RBFOX1: variants seen among roughly 807,000 people sequenced by gnomAD.
The protein encoded by RBFOX1 is RNA binding protein fox-1 homolog 1.
Under a neutral mutation model 57.7 loss-of-function variants are expected in RBFOX1, and 8 were observed. The observed-to-expected ratio is 0.14, with a 90% CI of 0.08 to 0.25. The LOEUF (loss-of-function observed/expected upper bound fraction) is 0.25. Among genes scored for constraint, RBFOX1 ranks in the 10% least tolerant of loss-of-function variants. The pLI, the probability that RBFOX1 is intolerant of heterozygous loss-of-function variation, is 1.00. For missense variants in RBFOX1, 611 were observed against 548.5 expected, an observed-to-expected ratio of 1.11 and a Z score of -1.14; for synonymous variants, 326 against 222.4, an observed-to-expected ratio of 1.47 and a Z score of -4.15.
At chr16:7,477,293 C>T (rs1003904673) in intron 4 of RBFOX1, among the ~76,000 whole-genome samples, 4 of 152,136 alleles carry the variant, frequency 2.6e-5, no homozygotes, top group Non-Finnish European at 5.9e-5. Flanking sequence ...TTATTTCTTC[C>T]TGAAATACAT....
chr16:6,382,872 G>A (rs2091941216), intron 2 of RBFOX1, among the ~76,000 whole-genome samples: 1 of 152,020 alleles, frequency 6.6e-6, no homozygotes, highest in Non-Finnish European at 1.5e-5. Context: ...AAAAGAAAAT[G>A]CTTTTACTCT....
chr16:7,503,102 A>C (rs2071550411), intron 4 of RBFOX1, among the ~76,000 whole-genome samples: 1 of 152,066 alleles, frequency 6.6e-6, no homozygotes, highest in South Asian at 2.1e-4. Context: ...TTTTATCTAG[A>C]ATGTTTATTT....
At chr16:5,616,089 GC>G (rs2048015011) in intron 3 of RBFOX1, 2 of 152,578 alleles carry the variant, frequency 1.3e-5, no homozygotes, top group South Asian at 4.1e-4. Context: ...GCACCTGTAA[GC>G]TAAGCCCTGA....
chr16:7,474,689 G>T (rs539136499), intron 4 of RBFOX1, among the ~76,000 whole-genome samples: 1 of 152,180 alleles, frequency 6.6e-6, no homozygotes, highest in Non-Finnish European at 1.5e-5. Context: ...GGTAAGTTAC[G>T]AATATGCTTT....
chr16:5,960,353 A>G (rs1262779754), intron 4 of RBFOX1, among the ~76,000 whole-genome samples: 2 of 152,216 alleles, frequency 1.3e-5, no homozygotes, highest in African/African-American at 4.8e-5. Context: ...AGTCACACGG[A>G]TACGGAGTGG....
At chr16:6,357,878 G>C (rs2087662083) in intron 2 of RBFOX1, among the ~76,000 whole-genome samples, 1 of 151,446 alleles carries the variant, frequency 6.6e-6, no homozygotes, top group African/African-American at 2.4e-5. Flanking sequence ...TTGAACCCTG[G>C]AGGTGGAGGT....
chr16:7,563,098 C>T (rs2090808496), intron 5 of RBFOX1, among the ~76,000 whole-genome samples: 1 of 152,116 alleles, frequency 6.6e-6, no homozygotes, highest in African/African-American at 2.4e-5. Context: ...ATTTCTTTGC[C>T]GTAAGATGGG....
intron 1 of RBFOX1, among the ~76,000 whole-genome samples, chr16:5,324,973 C>A (rs759636467): frequency 4.6e-5 from 7 of 152,190 alleles, no homozygotes; most frequent in African/African-American, 1.7e-4. Flanking sequence ...GGCAGGTGTT[C>A]CCAGATCTAT....
At chr16:6,774,461 A>G (rs2078990137) in intron 3 of RBFOX1, among the ~76,000 whole-genome samples, 1 of 151,668 alleles carries the variant, frequency 6.6e-6, no homozygotes. Context: ...AATATCAACA[A>G]CCCAATTACC....
At chr16:6,947,714 A>T (rs1486338859) in intron 3 of RBFOX1, among the ~76,000 whole-genome samples, 1 of 152,178 alleles carries the variant, frequency 6.6e-6, no homozygotes, top group Non-Finnish European at 1.5e-5. Flanking sequence ...GCTGAAATCT[A>T]TTTATAAACG....
chr16:6,478,414 TATATATATA>T (rs1567368581), intron 2 of RBFOX1, among the ~76,000 whole-genome samples: 32 of 31,430 alleles, frequency 1.0e-3, no homozygotes, highest in Non-Finnish European at 1.4e-3. Context: ...TATATATATA[TATATATATA>T]TATATATTTT....
At chr16:6,157,339 C>T (rs908393441) in intron 1 of RBFOX1, among the ~76,000 whole-genome samples, 2 of 152,084 alleles carry the variant, frequency 1.3e-5, no homozygotes, top group African/African-American at 4.8e-5. Flanking sequence ...CCAGATACAA[C>T]ACAGGATGCC....
chr16:6,020,358 C>G (rs994425483), intron 1 of RBFOX1, among the ~76,000 whole-genome samples: 2 of 152,126 alleles, frequency 1.3e-5, no homozygotes, highest in Admixed American at 1.3e-4. Flanking sequence ...TGGCCGGCTG[C>G]AAGCGTGCAC....
intron 1 of RBFOX1, among the ~76,000 whole-genome samples, chr16:6,105,547 A>G (rs1255488560): frequency 6.6e-6 from 1 of 152,226 alleles, no homozygotes; most frequent in African/African-American, 2.4e-5. Context: ...AACCTGTTTT[A>G]GAAATGAGCA....
At chr16:6,595,268 G>A (rs912422662) in intron 2 of RBFOX1, among the ~76,000 whole-genome samples, 1 of 152,148 alleles carries the variant, frequency 6.6e-6, no homozygotes, top group Non-Finnish European at 1.5e-5. Flanking sequence ...TATCTCTATA[G>A]GTTTACCTAT....
Position 7,557,641 on chromosome 16 carries a change from AAG to A in RBFOX1, c.271-22134_271-22133del, listed in dbSNP as rs1289676550. Reference sequence around the variant, plus strand: ...TCTCAAAAAAAAAAAAAAAAAAAAAAAGAAAAAGAAAAAAAAAAAGCATTTTC... The same window carrying A: ...TCTCAAAAAAAAAAAAAAAAAAAAAAAAAAAGAAAAAAAAAAAGCATTTTC... On this transcript the variant is annotated intron_variant, in intron 5 of 15. Transcript: ENST00000550418. Among the ~76,000 whole-genome samples, 220 of 97,370 alleles carry A rather than the reference AAG, an allele frequency of 2.3e-3. 2 individuals are homozygous for A. Among genetic ancestry groups the A allele is most frequent in the African/African-American group, 7.0e-3 (211 of 30,082 alleles). The allele number at this position is 97,370 out of a possible 152,430, so 63.9% of individuals were successfully genotyped here. A position where few individuals can be genotyped will look rare whatever the true frequency, so the allele number is the denominator to read the frequency against.
At chr16:5,659,996 T>C (rs1029749463) in intron 3 of RBFOX1, among the ~76,000 whole-genome samples, 3 of 152,244 alleles carry the variant, frequency 2.0e-5, no homozygotes, top group Non-Finnish European at 1.5e-5. Context: ...ATATATTTTA[T>C]AGTTCTTTTT....
At chr16:6,963,414 G>T (rs77477368) in intron 3 of RBFOX1, among the ~76,000 whole-genome samples, 2 of 152,226 alleles carry the variant, frequency 1.3e-5, no homozygotes, top group East Asian at 1.9e-4. Context: ...AAAATGTGTT[G>T]TTGGACTTCT....
intron 4 of RBFOX1, among the ~76,000 whole-genome samples, chr16:7,072,916 G>A (rs1313259145): frequency 6.6e-6 from 1 of 152,188 alleles, no homozygotes; most frequent in Non-Finnish European, 1.5e-5. Flanking sequence ...GGAACCGGTT[G>A]CTACAGAAAG....
Sources: allele counts gnomAD v4.1 joint callset (sites outside exome capture counted in the v4.1 genomes callset), GRCh38; gene constraint gnomAD v4.1.1; transcripts MANE v1.5; gene names NCBI Gene and HGNC (gene_info 2026-07-23, HGNC 2026-07-21).